The following FLII variants were observed in gnomAD, a reference collection of about 807,000 sequenced individuals.
FLII encodes FLII actin remodeling protein, also known as protein flightless-1 homolog.
FLII carries 101 observed loss-of-function variants against 156.2 expected under a neutral mutation model. The ratio of observed to expected loss-of-function variants is 0.65; its 90% CI spans 0.55 to 0.76. FLII has a LOEUF of 0.76. Among genes scored for constraint, FLII ranks in the 30% least tolerant of loss-of-function variants. The pLI is 0.00. For missense variants in FLII, 1,675 were observed against 1,682.8 expected, an observed-to-expected ratio of 1.00 and a Z score of 0.08; for synonymous variants, 767 against 685.8, an observed-to-expected ratio of 1.12 and a Z score of -1.85.
rs565214603 is a variant in FLII at position 18,248,860 on chromosome 17, C to T, written c.1958G>A (p.Gly653Glu). ...DPRFVFLLDR[G>E]LDIYVWRGAQ... is the part of the protein sequence containing the mutation. Reference sequence around the variant, plus strand: ...CCCCCGCCATACGTAGATGTCTAGCCCTCGGTCCAGCAGGAAAACAAACCT... The same window carrying T: ...CCCCCGCCATACGTAGATGTCTAGCTCTCGGTCCAGCAGGAAAACAAACCT... Residue 653 changes from glycine to glutamate, a missense_variant, in exon 17 of 30, where the codon GGG becomes GAG. This residue lies in a region of FLII where 1,332 missense variants were observed against 1,269.3 expected (regional missense o/e 1.05). Transcript: ENST00000327031. The T allele has an allele frequency of 4.3e-6, 7 of 1,613,948 alleles. No homozygotes were observed. The highest frequency in any genetic ancestry group is 3.3e-5 in the Admixed American group (2 of 60,026).
Position 18,246,745 on chromosome 17 carries a change from G to T in FLII, c.2900C>A (p.Ala967Glu). 6.2e-7 allele frequency: 1 copy of T among 1,613,702 alleles called. No individual in the cohort carries two copies. Among genetic ancestry groups the T allele is most frequent in the Non-Finnish European group, 8.5e-7 (1 of 1,179,774 alleles). The change falls in exon 23 of 30, where the codon GCA becomes GAA. Residue 967 changes from alanine to glutamate, a missense_variant. Physicochemically the swap from Ala to Glu is moderately radical, Grantham distance 107. Coordinates refer to ENST00000327031, the MANE Select transcript of FLII (RefSeq NM_002018.4). ...CTGCTTCTCCTCTGCCTCAGCGGTTGCTTCCTCGCCTTCTTTGCCCTCGGC... is the reference window on the plus strand; with the variant it reads ...CTGCTTCTCCTCTGCCTCAGCGGTTTCTTCCTCGCCTTCTTTGCCCTCGGC... ...EKAEGKEGEE[A>E]TAEAEEKQPE...
intron 11 of FLII, 85 bp downstream of exon 11, chr17:18,251,914 A>G (rs1755523608): frequency 1.2e-6 from 2 of 1,603,498 alleles, no homozygotes; most frequent in Non-Finnish European, 1.7e-6. Context: ...GGGTCCAGAA[A>G]GCTGTATGCC....
chr17:18,255,943 GA>G (rs2048403156), intron 3 of FLII, among the ~76,000 whole-genome samples: 2 of 152,264 alleles, frequency 1.3e-5, no homozygotes, highest in Admixed American at 6.5e-5. Flanking sequence ...TGAACTCAGA[GA>G]GTCCAAGTCA....
chr17:18,246,027 C>G lies in FLII; in HGVS notation c.3303G>C (p.Val1101=). The part of the protein sequence containing the change: ...PFESEDNQGI[V]YAWVGRASDP... ...CTGATGCCCGGCCCACCCAGGCATA[C>G]ACGATGCCCTGGTTGTCCTCACTCT... Residue 1101 remains valine (V), a synonymous_variant, in exon 26 of 30, where the codon GTG becomes GTC. Coordinates refer to ENST00000327031, the MANE Select transcript of FLII (RefSeq NM_002018.4). 6.2e-7 allele frequency: 1 copy of G among 1,614,170 alleles called. No individual in the cohort carries two copies. Among genetic ancestry groups the G allele is most frequent in the Admixed American group, 1.7e-5 (1 of 60,028 alleles).
chr17:18,258,437 C>T lies in FLII; in HGVS notation c.63+191G>A. The T allele has an allele frequency of 2.0e-6, 3 of 1,486,978 alleles. No homozygotes were observed. Among genetic ancestry groups the T allele is most frequent in the Non-Finnish European group, 2.7e-6 (3 of 1,117,798 alleles). The allele number at this position is 1,486,978 out of a possible 1,614,324, so 92.1% of individuals were successfully genotyped here. On this transcript the variant is annotated intron_variant, in intron 1 of 29. Coordinates refer to ENST00000327031, the MANE Select transcript of FLII (RefSeq NM_002018.4). The surrounding 1 kb of genome is among the most constrained non-coding windows in gnomAD (Gnocchi z 4.2). ...CGTCCCCGGCCTGCCCAGCCTCGGT[C>T]TCCCCGTACAGGCACTGGGCGGAGG...
In FLII at chr17:18,247,568, C is replaced by T. The variant is rs1335542873; in HGVS notation, c.2487+89G>A. On this transcript the variant is annotated intron_variant, in intron 20 of 29. Coordinates refer to ENST00000327031, the MANE Select transcript of FLII (RefSeq NM_002018.4). ...AAAGAGGAGGTGGGTTTGGGCCCAG[C>T]TCTGTAGGGAGGTAGTGAAGCCACA... 9.3e-6 allele frequency: 12 copies of T among 1,286,478 alleles called. No individual in the cohort carries two copies. The South Asian group carries it at 1.0e-4, about 11-fold the overall frequency. 79.7% of individuals were successfully genotyped at this position (1,286,478 alleles called of 1,614,324 possible).
rs748865281 is a variant in FLII at position 18,254,512 on chromosome 17, G to A, written c.575+9C>T. The A allele has an allele frequency of 3.7e-6, 6 of 1,603,470 alleles. No homozygotes were observed. The East Asian group carries it at 1.1e-4, about 30-fold the overall frequency. ...CTTCTGCAGGAGTGCGGTCCGAGGG[G>A]GCGCCCACCGGAGCTGTGCATGCAG... On this transcript the variant is annotated intron_variant, in intron 6 of 29. Coordinates refer to ENST00000327031, the MANE Select transcript of FLII (RefSeq NM_002018.4).
At chr17:18,252,175 C>T in intron 10 of FLII, 29 bp from the exon 11 acceptor site, 1 of 1,597,790 alleles carries the variant, frequency 6.3e-7, no homozygotes, top group East Asian at 2.2e-5. Context: ...AGAGCCGGCA[C>T]TGAGCCTGGG....
chr17:18,256,733 A>T, intron 2 of FLII, 136 bp from the exon 3 acceptor site: 1 of 833,654 alleles, frequency 1.2e-6, no homozygotes, highest in Non-Finnish European at 1.9e-6. Context: ...TCCCTCCCTC[A>T]CTCACCCGGC....
Position 18,256,992 on chromosome 17 carries a change from C to T in FLII, c.91G>A (p.Ala31Thr), listed in dbSNP as rs755554639. 1 of 1,610,608 alleles carries T rather than the reference C, an allele frequency of 6.2e-7. No individual in the cohort carries two copies. Among genetic ancestry groups the T allele is most frequent in the Admixed American group, 1.7e-5 (1 of 59,720 alleles). ...TTCAGCCACCGCAGGCTGGTCATGG[C>T]CTTGACATTCTCAGGGAAGTAGCCG... ...KGGYFPENVK[A>T]MTSLRWLKLN... The change falls in exon 2 of 30, where the codon GCC becomes ACC. Residue 31 changes from alanine (A) to threonine (T), a missense_variant. By Grantham distance (58) the Ala-to-Thr change is moderately conservative. Transcript: ENST00000327031.
Position 18,246,683 on chromosome 17 carries a change from G to T in FLII, c.2962C>A (p.Gln988Lys), listed in dbSNP as rs765490816. 8.1e-6 allele frequency: 13 copies of T among 1,613,610 alleles called. No homozygotes were observed. The highest frequency in any genetic ancestry group is 8.5e-6 in the Non-Finnish European group (10 of 1,179,850). Residue 988 changes from glutamine (Q) to lysine (K), a missense_variant, in exon 23 of 30, where the codon CAG becomes AAG. Coordinates refer to ENST00000327031, the MANE Select transcript of FLII (RefSeq NM_002018.4). Reference protein sequence around the residue: ...EDFQCIVYFWQGREASNMGWL... With the variant: ...EDFQCIVYFWKGREASNMGWL... Reference sequence around the variant, plus strand: ...CCCATATTGGAGGCTTCACGGCCCTGCCAGAAGTACACGATGCACTGGAAG... The same window carrying T: ...CCCATATTGGAGGCTTCACGGCCCTTCCAGAAGTACACGATGCACTGGAAG...
At chr17:18,249,289 T>A (rs1421788411) in intron 15 of FLII, 37 bp downstream of exon 15, 2 of 1,608,658 alleles carry the variant, frequency 1.2e-6, no homozygotes, top group Non-Finnish European at 1.7e-6. Flanking sequence ...GCCAGCAGAC[T>A]CCAGGTCCAT....
intron 21 of FLII, 46 bp downstream of exon 21, chr17:18,247,123 G>GGCCCCCC (rs1597900292): frequency 7.2e-6 from 9 of 1,249,286 alleles, no homozygotes; most frequent in South Asian, 4.8e-5. Context: ...CCCTCGGCCT[G>GGCCCCCC]CCCCCCACCC....
chr17:18,253,389 G>T lies in FLII; in HGVS notation c.925C>A (p.Leu309Met). The T allele has an allele frequency of 6.2e-7, 1 of 1,613,944 alleles. No homozygotes were observed. The highest frequency in any genetic ancestry group is 8.5e-7 in the Non-Finnish European group (1 of 1,180,018). Residue 309 changes from leucine to methionine, a missense_variant, in exon 9 of 30, where the codon CTG becomes ATG. Physicochemically the swap from Leu to Met is conservative, Grantham distance 15. Transcript: ENST00000327031. ...GTGAGCTTGCCAATGCCTGAGGGCA[G>T]CCCGTCAAAGTCCAGCTTGTTGGAA... is the stretch of plus-strand genomic sequence containing the variant. ...LNSNKLDFDG[L>M]PSGIGKLTNL...
chr17:18,247,249 CGCGT>C lies in FLII; in HGVS notation c.2592_2595del (p.Arg865ThrfsTer8), dbSNP rs779626895. Reference sequence around the variant, plus strand: ...TTCATCTGGTCTTTCTTCTCGGCGTCGCGTTTCACCTTCCCGGAGAGACCCGGGC... The same window carrying C: ...TTCATCTGGTCTTTCTTCTCGGCGTCTTCACCTTCCCGGAGAGACCCGGGC... On this transcript the variant is annotated frameshift_variant, in exon 21 of 30. Transcript: ENST00000327031. LOFTEE classifies it high-confidence loss of function. 6.2e-7 allele frequency: 1 copy of C among 1,607,984 alleles called. No homozygotes were observed.
chr17:18,245,459 T>G, intron 28 of FLII, 40 bp from the exon 29 acceptor site: 1 of 1,613,212 alleles, frequency 6.2e-7, no homozygotes, highest in South Asian at 1.1e-5. Context: ...CATGGGTGCC[T>G]GGGAACAGCC....
At chr17:18,254,723 C>T (rs745964046) in intron 5 of FLII, 41 bp from the exon 6 acceptor site, 2 of 1,613,684 alleles carry the variant, frequency 1.2e-6, no homozygotes, top group African/African-American at 1.3e-5. Context: ...CAGCACCAGC[C>T]ACCCCACAGG....
rs1313557345 is a variant in FLII at position 18,246,352 on chromosome 17, G to A, written c.3162C>T (p.Pro1054=). Residue 1054 remains proline (P), a synonymous_variant, in exon 24 of 30, where the codon CCC becomes CCT. Transcript: ENST00000327031. ...CGTTGGTGCGGATCTGGTAGAGGCTGGGCTGTTGGGCGCCCTGGACCGCCT... is the reference window on the plus strand; with the variant it reads ...CGTTGGTGCGGATCTGGTAGAGGCTAGGCTGTTGGGCGCCCTGGACCGCCT... The part of the protein sequence containing the change: ...KRKAVQGAQQ[P]SLYQIRTNGS... The A allele has an allele frequency of 1.2e-6, 2 of 1,613,810 alleles. No individual in the cohort carries two copies. The highest frequency in any genetic ancestry group is 1.1e-5 in the South Asian group (1 of 91,086).
chr17:18,256,188 G>A (rs565040927), intron 3 of FLII, among the ~76,000 whole-genome samples: 21 of 152,376 alleles, frequency 1.4e-4, no homozygotes, highest in African/African-American at 5.0e-4. Flanking sequence ...AACATTAGTG[G>A]AGGGCTAGAG....
Sources: allele counts gnomAD v4.1 joint callset (sites outside exome capture counted in the v4.1 genomes callset), GRCh38; gene constraint gnomAD v4.1.1; regional missense constraint gnomAD v4.1.1; non-coding constraint Gnocchi (gnomAD v3.1); transcripts MANE v1.5; gene names NCBI Gene and HGNC (gene_info 2026-07-23, HGNC 2026-07-21).